The following LRP5 variants were observed in gnomAD, a reference collection of about 807,000 sequenced individuals.
The protein encoded by LRP5 is LDL receptor related protein 5, also known as low-density lipoprotein receptor-related protein 5.
A neutral mutation model predicts 154.1 loss-of-function variants in LRP5; 62 were observed. The observed-to-expected ratio is 0.40, with a 90% CI of 0.33 to 0.50. LRP5 has a LOEUF of 0.50. LRP5 is among the 20% of genes least tolerant of loss of function. The pLI is 0.55. For missense variants in LRP5, 1,915 were observed against 2,336.7 expected, an observed-to-expected ratio of 0.82 and a Z score of 3.72; for synonymous variants, 966 against 1,011.5, an observed-to-expected ratio of 0.96 and a Z score of 0.85.
chr11:68,436,353 G>A (rs1591325408), intron 18 of LRP5, among the ~76,000 whole-genome samples: 1 of 152,260 alleles, frequency 6.6e-6, no homozygotes, highest in East Asian at 1.9e-4. Flanking sequence ...GGTGGAGGCA[G>A]CCGTCAGCGC....
intron 9 of LRP5, among the ~76,000 whole-genome samples, chr11:68,407,778 C>T (rs536650617): frequency 1.3e-5 from 2 of 151,984 alleles, no homozygotes; most frequent in South Asian, 2.1e-4. Flanking sequence ...ACCTGGGAGG[C>T]GGAGGTTGTG....
intron 12 of LRP5, among the ~76,000 whole-genome samples, chr11:68,414,794 G>A (rs1276018310): frequency 1.3e-5 from 2 of 152,240 alleles, no homozygotes; most frequent in African/African-American, 4.8e-5. Context: ...CCAGCTGCAT[G>A]GATGGGGAAC....
Position 68,425,255 on chromosome 11 carries a change from C to T in LRP5, c.3390C>T (p.Asp1130=), listed in dbSNP as rs769592327. Residue 1130 remains aspartate (D), a synonymous_variant, in exon 15 of 23, where the codon GAC becomes GAT. Transcript: ENST00000294304. ...CACTGGGCAAGCTGTTCTGGGTGGA[C>T]GCGGACCTGAAGCGCATTGAGAGCT... ...DNTLGKLFWV[D]ADLKRIESCD... is the part of the protein sequence containing the mutation. 6.2e-6 allele frequency: 10 copies of T among 1,611,076 alleles called. No individual in the cohort carries two copies. The highest frequency in any genetic ancestry group is 1.7e-5 in the Admixed American group (1 of 60,012).
chr11:68,397,427 G>A (rs901119448), intron 7 of LRP5, among the ~76,000 whole-genome samples: 12 of 152,016 alleles, frequency 7.9e-5, no homozygotes, highest in Non-Finnish European at 1.3e-4. Context: ...GCCCTCTCCC[G>A]AACCCCAGCC....
rs200416179 is a variant in LRP5 at position 68,386,628 on chromosome 11, C to T, written c.1328C>T (p.Thr443Met). 2.2e-5 allele frequency: 35 copies of T among 1,613,596 alleles called. No homozygotes were observed. In the Admixed American group the frequency reaches 2.5e-4, roughly 12 times the overall value. Residue 443 changes from threonine to methionine, a missense_variant, in exon 6 of 23, where the codon ACG (threonine) becomes ATG (methionine). Thr to Met is a moderately conservative substitution (Grantham distance 81, BLOSUM62 -1). Coordinates refer to ENST00000294304, the MANE Select transcript of LRP5 (RefSeq NM_002335.4). This position sits in a 1 kb window ranked among gnomAD's most constrained non-coding sequence, Gnocchi z 7.9. Reference sequence around the variant, plus strand: ...ACGGGCACGGACCGCATCGAGGTGACGCGCCTCAACGGCACCTCCCGCAAG... The same window carrying T: ...ACGGGCACGGACCGCATCGAGGTGATGCGCCTCAACGGCACCTCCCGCAAG... ...TDTGTDRIEV[T>M]RLNGTSRKIL...
chr11:68,349,322 C>T (rs369930151), intron 2 of LRP5, among the ~76,000 whole-genome samples: 5 of 152,180 alleles, frequency 3.3e-5, no homozygotes, highest in South Asian at 2.1e-4. Flanking sequence ...CGTGAACCAC[C>T]GTGCCTGGCC....
chr11:68,413,849 C>G lies in LRP5; in HGVS notation c.2664C>G (p.Phe888Leu). The G allele has an allele frequency of 1.2e-6, 2 of 1,613,674 alleles. No homozygotes were observed. The highest frequency in any genetic ancestry group is 1.7e-6 in the Non-Finnish European group (2 of 1,180,036). ...NRTLIQGHLDFVMDILVFHSS... is the reference protein window; with the variant it reads ...NRTLIQGHLDLVMDILVFHSS... ...CCCTCATCCAGGGCCACCTGGACTT[C>G]GTGATGGACATCCTGGTGTTCCACT... The change falls in exon 12 of 23, where the codon TTC (phenylalanine) becomes TTG (leucine). Residue 888 changes from phenylalanine (F) to leucine (L), a missense_variant. Phe to Leu is a conservative substitution (Grantham distance 22). Around this residue, in one of 3 missense-constraint regions of LRP5, gnomAD observed 1,094 missense variants for 1,210.1 expected, o/e 0.90. Transcript: ENST00000294304. The surrounding 1 kb of genome is among the most constrained non-coding windows in gnomAD (Gnocchi z 5.1).
At chr11:68,364,720 G>GT (rs370659560) in intron 4 of LRP5, among the ~76,000 whole-genome samples, 137 of 152,204 alleles carry the variant, frequency 9.0e-4, no homozygotes, top group African/African-American at 3.1e-3. Context: ...ATTATGGAAG[G>GT]TTTGGACTTT....
At chr11:68,394,064 G>A (rs1403542176) in intron 7 of LRP5, among the ~76,000 whole-genome samples, 1 of 152,154 alleles carries the variant, frequency 6.6e-6, no homozygotes, top group Non-Finnish European at 1.5e-5. Flanking sequence ...AATCCTTACC[G>A]CCTCCTAGTG....
intron 5 of LRP5, among the ~76,000 whole-genome samples, chr11:68,369,806 T>G (rs903792193): frequency 6.6e-6 from 1 of 152,102 alleles, no homozygotes; most frequent in Non-Finnish European, 1.5e-5. Flanking sequence ...GTCGCACAGC[T>G]GGACAAGCTT....
chr11:68,423,871 G>A lies in LRP5; in HGVS notation c.3236+174G>A, dbSNP rs2098667252. ...GCTCTTTCACAGCCCCTCCAGGAAA[G>A]CAGAAAGCCCCAAGGGCTGGAAGGG... On this transcript the variant is annotated intron_variant, in intron 14 of 22. Transcript: ENST00000294304. The surrounding 1 kb of genome is among the most constrained non-coding windows in gnomAD (Gnocchi z 4.7). Among the ~76,000 whole-genome samples the A allele has an allele frequency of 3.9e-5, 6 of 152,252 alleles. No homozygotes were observed. The highest frequency in any genetic ancestry group is 3.9e-4 in the Admixed American group (6 of 15,292).
chr11:68,360,499 A>G (rs1333753992), intron 3 of LRP5, among the ~76,000 whole-genome samples: 1 of 152,196 alleles, frequency 6.6e-6, no homozygotes, highest in East Asian at 1.9e-4. Flanking sequence ...ATCGCTCTTC[A>G]TGATGCACCT....
At chr11:68,390,197 T>C (rs541253700) in intron 7 of LRP5, 145 bp downstream of exon 7, 16 of 1,055,006 alleles carry the variant, frequency 1.5e-5, no homozygotes, top group Middle Eastern at 2.6e-4. Context: ...GTTACAATAC[T>C]TTCTGACAAA....
intron 5 of LRP5, among the ~76,000 whole-genome samples, chr11:68,369,728 C>CCTCA (rs980869771): frequency 1.3e-5 from 2 of 152,124 alleles, no homozygotes; most frequent in Admixed American, 6.5e-5. Flanking sequence ...TGTGTGGCTC[C>CCTCA]CTCACGTATC....
At chr11:68,441,480 G>A (rs1565119980) in intron 21 of LRP5, among the ~76,000 whole-genome samples, 1 of 152,302 alleles carries the variant, frequency 6.6e-6, no homozygotes, top group East Asian at 1.9e-4. Flanking sequence ...GAGTGTTCTG[G>A]AGGCCCCAGG....
In LRP5 at chr11:68,416,341, C is replaced by A. The variant is rs1377255746; in HGVS notation, c.2841C>A (p.Phe947Leu). The A allele has an allele frequency of 1.9e-6, 3 of 1,614,016 alleles. No individual in the cohort carries two copies. The Admixed American group carries it at 5.0e-5, about 27-fold the overall frequency. Residue 947 changes from phenylalanine (F) to leucine (L), a missense_variant, in exon 13 of 23, where the codon TTC (phenylalanine) becomes TTA (leucine). Around this residue, in one of 3 missense-constraint regions of LRP5, gnomAD observed 1,094 missense variants for 1,210.1 expected, o/e 0.90. Coordinates refer to ENST00000294304, the MANE Select transcript of LRP5 (RefSeq NM_002335.4). ...TGCCTCCTCTAGCGCCCACCACCTT[C>A]TTGCTGTTCAGCCAGAAATCTGCCA... is the stretch of plus-strand genomic sequence containing the variant. ...SSRNCSPPTT[F>L]LLFSQKSAIS...
At chr11:68,408,770 G>A (rs1056751787) in intron 9 of LRP5, among the ~76,000 whole-genome samples, 1 of 151,948 alleles carries the variant, frequency 6.6e-6, no homozygotes, top group African/African-American at 2.4e-5. Flanking sequence ...GGTTACAGCC[G>A]GGCACAGTGG....
At chr11:68,326,818 T>C (rs911793163) in intron 1 of LRP5, among the ~76,000 whole-genome samples, 2 of 152,226 alleles carry the variant, frequency 1.3e-5, no homozygotes, top group Admixed American at 1.3e-4. Flanking sequence ...CCAGAGTCCT[T>C]GCGGCATATG....
rs571697702 is a variant in LRP5 at position 68,413,261 on chromosome 11, A to G, written c.2504-428A>G. Reference sequence around the variant, plus strand: ...CCTGGAAACTCATGTGACCCTGCCAATGAGGGCGGCCATGTGCATTGCAGC... The same window carrying G: ...CCTGGAAACTCATGTGACCCTGCCAGTGAGGGCGGCCATGTGCATTGCAGC... On this transcript the variant is annotated intron_variant, in intron 11 of 22. Coordinates refer to ENST00000294304, the MANE Select transcript of LRP5 (RefSeq NM_002335.4). The surrounding 1 kb of genome is among the most constrained non-coding windows in gnomAD (Gnocchi z 5.1). 1.2e-4 allele frequency: 34 copies of G among 294,072 alleles called. No individual in the cohort carries two copies. In the East Asian group the frequency reaches 1.2e-3, roughly 10 times the overall value. The allele number at this position is 294,072 out of a possible 1,614,324, so 18.2% of individuals were successfully genotyped here.
Sources: gnomAD v4.1 joint callset for allele counts (sites outside exome capture counted in the v4.1 genomes callset) on GRCh38, gnomAD v4.1.1 for gene constraint, gnomAD v4.1.1 regional missense constraint, Gnocchi (gnomAD v3.1) non-coding constraint, MANE v1.5 for transcripts, NCBI Gene and HGNC (gene_info 2026-07-23, HGNC 2026-07-21) for gene names.